The following AGT variants were observed in gnomAD, a reference collection of about 807,000 sequenced individuals.
AGT encodes angiotensinogen.
Under a neutral mutation model 28.1 loss-of-function variants are expected in AGT, and 26 were observed. That is an observed-to-expected ratio of 0.92 (90% CI 0.68 to 1.28). The LOEUF (loss-of-function observed/expected upper bound fraction) is 1.28. Among genes scored for constraint, AGT ranks in the 50% most tolerant of loss-of-function variants. The pLI, the probability that AGT is intolerant of heterozygous loss-of-function variation, is 0.00. For synonymous variants in AGT, 259 were observed against 259.6 expected (o/e 1.00, Z 0.02); for missense variants, 596 against 592.3 (o/e 1.01, Z -0.06).
Position 230,745,475 on chromosome 1 carries a change from A to G in AGT, c.-31+40T>C, listed in dbSNP as rs572843611. Among the ~76,000 whole-genome samples the G allele has an allele frequency of 5.3e-5, 8 of 152,360 alleles. No homozygotes were observed. The South Asian group carries it at 1.7e-3, about 32-fold the overall frequency. On this transcript the variant is annotated intron_variant, in intron 1 of 4. Coordinates refer to the AGT transcript ENST00000681269. Reference sequence around the variant, plus strand: ...TCAGGCTTCTATAACAAAACAGCACAGACAGGGTGGCTTATAAACAACAGA... The same window carrying G: ...TCAGGCTTCTATAACAAAACAGCACGGACAGGGTGGCTTATAAACAACAGA...
chr1:230,719,409 T>A (rs1558291293), upstream of AGT, among the ~76,000 whole-genome samples: 12 of 73,036 alleles, frequency 1.6e-4, no homozygotes, highest in Admixed American at 5.5e-4. Context: ...TCATTATGTT[T>A]TTTTTTTTTT....
intron 1 of AGT, among the ~76,000 whole-genome samples, chr1:230,713,599 G>A (rs1663656084): frequency 1.3e-5 from 2 of 152,182 alleles, no homozygotes; most frequent in African/African-American, 4.8e-5. Context: ...TGAGCAAATC[G>A]AGGTTCAGGG....
At chr1:230,724,696 G>A (rs1571983882) in intron 1 of AGT, among the ~76,000 whole-genome samples, 1 of 151,996 alleles carries the variant, frequency 6.6e-6, no homozygotes, top group East Asian at 1.9e-4. Context: ...TTGGTGGCAC[G>A]TGCCTGTAGT....
In AGT at chr1:230,702,984, G is replaced by C; in HGVS notation, c.*157C>G. 1 of 808,410 alleles carries C rather than the reference G, an allele frequency of 1.2e-6. No homozygotes were observed. The highest frequency in any genetic ancestry group is 1.9e-6 in the Non-Finnish European group (1 of 520,508). 50.1% of individuals were successfully genotyped at this position (808,410 alleles called of 1,614,324 possible). The stretch of plus-strand genomic sequence containing the variant: ...AGCACACTTAGACCAAGGAGAAACG[G>C]CTGCTTTCCAGCTCAAAGTCGACTC... On this transcript the variant is annotated 3_prime_UTR_variant, in exon 5 of 5. Coordinates refer to ENST00000366667, the MANE Select transcript of AGT (RefSeq NM_001384479.1).
chr1:230,720,568 G>C lies in AGT; in HGVS notation c.-30-9715C>G, dbSNP rs190110788. ...AGACAGTTTAAAGCCTGAAAGCCAAGCTACAACTTAAATCCTTGGACCAGA... is the reference window on the plus strand; with the variant it reads ...AGACAGTTTAAAGCCTGAAAGCCAACCTACAACTTAAATCCTTGGACCAGA... On this transcript the variant is annotated intron_variant, in intron 1 of 4. Transcript: ENST00000681269. Among the ~76,000 whole-genome samples, 529 of 152,336 alleles carry C rather than the reference G, an allele frequency of 3.5e-3. 6 individuals carry two copies. Among genetic ancestry groups the C allele is most frequent in the Non-Finnish European group, 2.4e-3 (160 of 68,038 alleles).
intron 1 of AGT, among the ~76,000 whole-genome samples, chr1:230,739,439 G>A (rs561662030): frequency 3.3e-5 from 5 of 152,230 alleles, no homozygotes; most frequent in African/African-American, 1.2e-4. Context: ...GTTGCCCTGA[G>A]CAGGGCATGA....
At chr1:230,721,714 C>T (rs1282918489) in intron 1 of AGT, among the ~76,000 whole-genome samples, 1 of 152,196 alleles carries the variant, frequency 6.6e-6, no homozygotes, top group East Asian at 1.9e-4. Context: ...GAGCAAATGT[C>T]ACTCTTGCTA....
chr1:230,709,604 C>G (rs2102789994), intron 2 of AGT, among the ~76,000 whole-genome samples: 1 of 152,242 alleles, frequency 6.6e-6, no homozygotes, highest in Middle Eastern at 3.4e-3. Context: ...GAGTGTAGAA[C>G]TGGGCTGTGG....
intron 1 of AGT, among the ~76,000 whole-genome samples, chr1:230,722,249 T>C (rs556839066): frequency 4.5e-4 from 68 of 152,354 alleles, no homozygotes; most frequent in African/African-American, 1.5e-3. Context: ...GAGACAAGAA[T>C]TGAGGTTTGG....
intron 1 of AGT, among the ~76,000 whole-genome samples, chr1:230,722,141 C>A (rs969633614): frequency 3.9e-5 from 6 of 152,234 alleles, no homozygotes; most frequent in Admixed American, 6.5e-5. Flanking sequence ...TAAGCCATGG[C>A]TAAAAGGGGC....
intron 1 of AGT, 30 bp from the exon 2 acceptor site, chr1:230,710,883 G>A (rs368777085): frequency 1.9e-6 from 3 of 1,605,956 alleles, no homozygotes; most frequent in Non-Finnish European, 1.7e-6. Context: ...AGGGTGAAAG[G>A]TGGTTATTAA....
upstream of AGT, among the ~76,000 whole-genome samples, chr1:230,718,894 T>A (rs1185523402): frequency 6.6e-6 from 1 of 151,984 alleles, no homozygotes; most frequent in South Asian, 2.1e-4. Context: ...CCTGGCCAAC[T>A]TTTTTGTACT....
At chr1:230,732,734 G>A (rs974772930) in intron 1 of AGT, among the ~76,000 whole-genome samples, 2 of 152,170 alleles carry the variant, frequency 1.3e-5, no homozygotes, top group South Asian at 2.1e-4. Flanking sequence ...AAATGGAAGT[G>A]GATCATCATC....
At chr1:230,741,340 C>T (rs1664245746) in intron 1 of AGT, among the ~76,000 whole-genome samples, 1 of 152,330 alleles carries the variant, frequency 6.6e-6, no homozygotes, top group Admixed American at 6.5e-5. Flanking sequence ...CTATAGGCAG[C>T]TTGTGCAGCC....
rs368282573 is a variant in AGT at position 230,710,311 on chromosome 1, G to A, written c.513C>T (p.Val171=). ...CCTGTACAGCCTGCAGGGCAGACAG[G>A]ACCTTGTGCGCATCCAGCCGGGAGG... The part of the protein sequence containing the change: ...NCTSRLDAHK[V]LSALQAVQGL... The change falls in exon 2 of 5, where the codon GTC becomes GTT. Residue 171 remains valine, a synonymous_variant. Coordinates refer to ENST00000366667, the MANE Select transcript of AGT (RefSeq NM_001384479.1). 6.8e-6 allele frequency: 11 copies of A among 1,613,940 alleles called. No individual in the cohort carries two copies. Among genetic ancestry groups the A allele is most frequent in the South Asian group, 6.6e-5 (6 of 91,080 alleles).
In AGT at chr1:230,730,228, TG is replaced by T. The variant is rs201262828; in HGVS notation, c.-31+15286del. On this transcript the variant is annotated intron_variant, in intron 1 of 4. Coordinates refer to the AGT transcript ENST00000681269. The stretch of plus-strand genomic sequence containing the variant: ...GAGCTACCATGCCCGGCTATTTTTT[TG>T]TTTTGTTTTGTTTTTTATATTTTTA... Among the ~76,000 whole-genome samples, 46 of 151,464 alleles carry T rather than the reference TG, an allele frequency of 3.0e-4. 1 individual carries two copies. Among genetic ancestry groups the T allele is most frequent in the South Asian group, 1.3e-3 (6 of 4,734 alleles).
intron 1 of AGT, among the ~76,000 whole-genome samples, chr1:230,713,625 T>G (rs945259516): frequency 5.9e-5 from 9 of 152,174 alleles, no homozygotes; most frequent in Admixed American, 1.3e-4. Context: ...GTGACCAGCC[T>G]GATGACACAC....
chr1:230,710,678 T>C lies in AGT; in HGVS notation c.146A>G (p.Asn49Ser), dbSNP rs1301918287. Residue 49 changes from asparagine to serine, a missense_variant, in exon 2 of 5, where the codon AAT (asparagine) becomes AGT (serine). Asn to Ser is a conservative substitution (Grantham distance 46). Transcript: ENST00000366667. ...GGTGGGGTCTTTGGGCTTCCCGGCA[T>C]TGGCCTTTGCCAGCTGCTCACAGGT... ...ESTCEQLAKA[N>S]AGKPKDPTFI... 3 of 1,614,222 alleles carry C rather than the reference T, an allele frequency of 1.9e-6. No individual in the cohort carries two copies. The highest frequency in any genetic ancestry group is 2.5e-6 in the Non-Finnish European group (3 of 1,180,024).
intron 1 of AGT, among the ~76,000 whole-genome samples, chr1:230,744,175 A>G (rs1664300029): frequency 6.6e-6 from 1 of 152,184 alleles, no homozygotes; most frequent in South Asian, 2.1e-4. Flanking sequence ...AGTGTGGGTG[A>G]GGAAGTGTGC....
Sources: gnomAD v4.1 joint callset for allele counts (sites outside exome capture counted in the v4.1 genomes callset) on GRCh38, gnomAD v4.1.1 for gene constraint, MANE v1.5 for transcripts, NCBI Gene and HGNC (gene_info 2026-07-23, HGNC 2026-07-21) for gene names.